The following NCOA7 variants were observed in gnomAD, a reference collection of about 807,000 sequenced individuals.
NCOA7 encodes nuclear receptor coactivator 7.
NCOA7 carries 45 observed loss-of-function variants against 104.3 expected under a neutral mutation model. The ratio of observed to expected loss-of-function variants is 0.43; its 90% CI spans 0.34 to 0.55. The LOEUF (loss-of-function observed/expected upper bound fraction) is 0.55, where lower values mean the gene tolerates loss of function less well. Among genes scored for constraint, NCOA7 ranks in the 20% least tolerant of loss-of-function variants. NCOA7 has a pLI of 0.02. For synonymous variants in NCOA7, 398 were observed against 402.3 expected (o/e 0.99, Z 0.13); for missense variants, 1,041 against 1,119.7 (o/e 0.93, Z 1.00).
intron 2 of NCOA7, among the ~76,000 whole-genome samples, chr6:125,833,331 A>G (rs559436167): frequency 6.5e-4 from 99 of 152,258 alleles, no homozygotes; most frequent in Middle Eastern, 3.4e-3. Context: ...TCACACCTGT[A>G]ATCCCAGGAC....
chr6:125,811,859 G>T (rs138545820), intron 1 of NCOA7, among the ~76,000 whole-genome samples: 1 of 152,090 alleles, frequency 6.6e-6, no homozygotes, highest in African/African-American at 2.4e-5. Flanking sequence ...CTTAACTTGC[G>T]AATTCTGTGC....
chr6:125,822,994 GAA>G (rs34629320), intron 2 of NCOA7, among the ~76,000 whole-genome samples: 3 of 148,220 alleles, frequency 2.0e-5, no homozygotes, highest in East Asian at 2.0e-4. Flanking sequence ...GTGATAAATA[GAA>G]AAAAAAAATT....
At chr6:125,816,353 C>T (rs997816055) in intron 2 of NCOA7, among the ~76,000 whole-genome samples, 1 of 152,090 alleles carries the variant, frequency 6.6e-6, no homozygotes, top group Non-Finnish European at 1.5e-5. Flanking sequence ...TCTATGACAT[C>T]GGTTAATTTA....
chr6:125,839,078 C>T (rs1323798833), intron 2 of NCOA7, among the ~76,000 whole-genome samples: 1 of 152,070 alleles, frequency 6.6e-6, no homozygotes, highest in African/African-American at 2.4e-5. Flanking sequence ...ATTACCTATG[C>T]ATGATTGATT....
chr6:125,885,101 G>A (rs1361894469), intron 7 of NCOA7, 58 bp from the exon 8 acceptor site: 1 of 1,571,952 alleles, frequency 6.4e-7, no homozygotes, highest in South Asian at 1.1e-5. Context: ...AAGCTCTGTG[G>A]TAGTTGCTGA....
At chr6:125,807,067 C>T in intron 1 of NCOA7, among the ~76,000 whole-genome samples, 1 of 152,150 alleles carries the variant, frequency 6.6e-6, no homozygotes, top group East Asian at 1.9e-4. Flanking sequence ...CAGCTGTTTG[C>T]ACCTACCTCT....
intron 7 of NCOA7, among the ~76,000 whole-genome samples, chr6:125,884,294 A>G (rs1012504114): frequency 1.3e-5 from 2 of 152,224 alleles, no homozygotes; most frequent in Admixed American, 6.5e-5. Context: ...ATTGTGAATA[A>G]TGCTGCAAAT....
At chr6:125,837,405 A>G (rs1450425239) in intron 2 of NCOA7, among the ~76,000 whole-genome samples, 1 of 152,166 alleles carries the variant, frequency 6.6e-6, no homozygotes, top group African/African-American at 2.4e-5. Flanking sequence ...GAAAATAAAT[A>G]TTTACTTCAC....
intron 1 of NCOA7, among the ~76,000 whole-genome samples, chr6:125,813,384 A>T (rs1011437820): frequency 2.0e-5 from 3 of 151,430 alleles, no homozygotes; most frequent in Admixed American, 6.6e-5. Context: ...GAAGGGAACA[A>T]TTTTGTCTTC....
intron 1 of NCOA7, among the ~76,000 whole-genome samples, chr6:125,810,568 C>T (rs1201392159): frequency 6.6e-6 from 1 of 152,156 alleles, no homozygotes; most frequent in African/African-American, 2.4e-5. Context: ...GGAAAGTCAA[C>T]ATTAAATGAA....
At position 125,920,965 on chromosome 6, in the gene NCOA7, A is replaced by C; in HGVS notation, c.2267A>C (p.Lys756Thr). 1 of 1,613,566 alleles carries C rather than the reference A, an allele frequency of 6.2e-7. No individual in the cohort carries two copies. Among genetic ancestry groups the C allele is most frequent in the East Asian group, 2.2e-5 (1 of 44,840 alleles). ...CAGATCATCACTGTTGAAGAGGCAAAGCGCAGGAAGAGCACATGCAGCTAC... is the reference window on the plus strand; with the variant it reads ...CAGATCATCACTGTTGAAGAGGCAACGCGCAGGAAGAGCACATGCAGCTAC... Reference protein sequence around the residue: ...SWEIITVEEAKRRKSTCSYYE... With the variant: ...SWEIITVEEATRRKSTCSYYE... Residue 756 changes from lysine (K) to threonine (T), a missense_variant, in exon 12 of 16, where the codon AAG becomes ACG. Physicochemically the swap from Lys to Thr is moderately conservative, Grantham distance 78. Around this residue, in one of 2 missense-constraint regions of NCOA7, gnomAD observed 914 missense variants for 942.7 expected, o/e 0.97. Transcript: ENST00000392477.
chr6:125,928,090 A>T, intron 14 of NCOA7, 84 bp from the exon 15 acceptor site: 1 of 1,278,914 alleles, frequency 7.8e-7, no homozygotes, highest in Non-Finnish European at 1.1e-6. Context: ...GTTCCCTTTT[A>T]CATATAGATA....
Position 125,889,637 on chromosome 6 carries a change from C to T in NCOA7, c.1583C>T (p.Thr528Ile), listed in dbSNP as rs922315480. The T allele has an allele frequency of 6.2e-7, 1 of 1,613,750 alleles. No homozygotes were observed. The change falls in exon 9 of 16, where the codon ACT (threonine) becomes ATT (isoleucine). Residue 528 changes from threonine to isoleucine, a missense_variant. By Grantham distance (89) the Thr-to-Ile change is moderately conservative. Coordinates refer to ENST00000392477, the MANE Select transcript of NCOA7 (RefSeq NM_181782.5). ...DKVKLIEYYL[T>I]KNKEGPQVSE... is the part of the protein sequence containing the mutation. Reference sequence around the variant, plus strand: ...GTTAAACTCATTGAATATTACCTGACTAAGAACAAAGAAGGGCCACAGGTA... The same window carrying T: ...GTTAAACTCATTGAATATTACCTGATTAAGAACAAAGAAGGGCCACAGGTA...
At chr6:125,919,600 A>G (rs1787392461) in intron 11 of NCOA7, among the ~76,000 whole-genome samples, 1 of 152,176 alleles carries the variant, frequency 6.6e-6, no homozygotes, top group Non-Finnish European at 1.5e-5. Context: ...GCCTCTTCTC[A>G]TTGGAGCCAG....
chr6:125,868,346 G>A (rs1359655595), intron 3 of NCOA7, among the ~76,000 whole-genome samples: 1 of 152,124 alleles, frequency 6.6e-6, no homozygotes, highest in African/African-American at 2.4e-5. Flanking sequence ...ATTTACTTGT[G>A]TTGACTACAT....
chr6:125,920,989 A>C lies in NCOA7; in HGVS notation c.2291A>C (p.Tyr764Ser), dbSNP rs758172683. Residue 764 changes from tyrosine (Y) to serine (S), a missense_variant, in exon 12 of 16, where the codon TAC becomes TCC. This residue lies in a region of NCOA7 where 914 missense variants were observed against 942.7 expected (regional missense o/e 0.97). Transcript: ENST00000392477. Reference sequence around the variant, plus strand: ...AAGCGCAGGAAGAGCACATGCAGCTACTATGAAGACGAGGACGAAGAGGTG... The same window carrying C: ...AAGCGCAGGAAGAGCACATGCAGCTCCTATGAAGACGAGGACGAAGAGGTG... ...EAKRRKSTCSYYEDEDEEVLP... is the reference protein window; with the variant it reads ...EAKRRKSTCSSYEDEDEEVLP... The C allele has an allele frequency of 1.9e-6, 3 of 1,613,758 alleles. No individual in the cohort carries two copies. The South Asian group carries it at 3.3e-5, about 18-fold the overall frequency.
intron 11 of NCOA7, among the ~76,000 whole-genome samples, chr6:125,920,691 G>A (rs772724861): frequency 2.6e-5 from 4 of 152,192 alleles, no homozygotes; most frequent in Non-Finnish European, 5.9e-5. Flanking sequence ...ATACAGGCAT[G>A]AGCCACCACG....
In NCOA7 at chr6:125,864,528, A is replaced by G. The variant is rs1462686342; in HGVS notation, c.271+9288A>G. ...TCCCCCCACCCACCCCCAAATTTAC[A>G]TGTTGAAATCCTACTTCCCAACGTG... On this transcript the variant is annotated intron_variant, in intron 3 of 15. Transcript: ENST00000392477. 2.2e-5 allele frequency among the ~76,000 whole-genome samples: 3 copies of G among 134,060 alleles called. 1 individual carries two copies. Among genetic ancestry groups the G allele is most frequent in the Non-Finnish European group, 4.7e-5 (3 of 64,012 alleles). 87.9% of individuals were successfully genotyped at this position (134,060 alleles called of 152,430 possible). A position where few individuals can be genotyped will look rare whatever the true frequency, so the allele number is the denominator to read the frequency against.
At chr6:125,848,701 T>A (rs1780848552) in intron 2 of NCOA7, among the ~76,000 whole-genome samples, 1 of 151,986 alleles carries the variant, frequency 6.6e-6, no homozygotes, top group African/African-American at 2.4e-5. Flanking sequence ...CTAATGTAAA[T>A]GACGAGTTGA....
Sources: gnomAD v4.1 joint callset for allele counts (sites outside exome capture counted in the v4.1 genomes callset) on GRCh38, gnomAD v4.1.1 for gene constraint, gnomAD v4.1.1 regional missense constraint, MANE v1.5 for transcripts, NCBI Gene and HGNC (gene_info 2026-07-23, HGNC 2026-07-21) for gene names.